KCNU1: variants seen among roughly 807,000 people sequenced by gnomAD.
KCNU1 encodes the protein potassium channel subfamily U member 1.
In KCNU1, 93 loss-of-function variants were observed where a neutral mutation model predicts 126.8. The observed-to-expected ratio is 0.73, with a 90% confidence interval of 0.62 to 0.87. The LOEUF (loss-of-function observed/expected upper bound fraction) is 0.87, where lower values mean the gene tolerates loss of function less well. KCNU1 is among the 40% of genes least tolerant of loss of function. The pLI, the probability that KCNU1 is intolerant of heterozygous loss-of-function variation, is 0.00. For synonymous variants in KCNU1, 523 were observed against 494.2 expected, an observed-to-expected ratio of 1.06 and a Z score of -0.77; for missense variants, 1,330 against 1,367.1, an observed-to-expected ratio of 0.97 and a Z score of 0.43.
At chr8:36,801,647 C>T (rs1449553180) in intron 2 of KCNU1, among the ~76,000 whole-genome samples, 4 of 151,752 alleles carry the variant, frequency 2.6e-5, no homozygotes, top group Non-Finnish European at 5.9e-5. Flanking sequence ...TAATAATTAT[C>T]AATATGCTGC....
At chr8:36,901,083 G>T (rs1340279761) in intron 19 of KCNU1, among the ~76,000 whole-genome samples, 1 of 151,936 alleles carries the variant, frequency 6.6e-6, no homozygotes, top group Non-Finnish European at 1.5e-5. Flanking sequence ...AAAAAAAAGG[G>T]AATTGTAGAG....
intron 5 of KCNU1, 63 bp from the exon 6 acceptor site, chr8:36,807,312 C>A (rs35671599): frequency 9.1e-7 from 1 of 1,101,624 alleles, no homozygotes; most frequent in Middle Eastern, 2.0e-4. Context: ...GCTGTTATAA[C>A]GTAGGCTCCC....
chr8:36,813,897 T>C (rs1803812623), intron 7 of KCNU1, among the ~76,000 whole-genome samples: 1 of 152,120 alleles, frequency 6.6e-6, no homozygotes, highest in African/African-American at 2.4e-5. Flanking sequence ...CAGGATGCAA[T>C]GCTTGTGCCC....
At chr8:36,831,260 T>G (rs1415053364) in intron 10 of KCNU1, among the ~76,000 whole-genome samples, 1 of 152,100 alleles carries the variant, frequency 6.6e-6, no homozygotes, top group African/African-American at 2.4e-5. Context: ...TTATAGTCCT[T>G]TGGGTATATA....
chr8:36,834,648 C>A (rs1391661529), intron 11 of KCNU1, 138 bp from the exon 12 acceptor site: 19 of 603,390 alleles, frequency 3.1e-5, no homozygotes, highest in Non-Finnish European at 4.2e-5. Flanking sequence ...AAGACATCCT[C>A]ATTACAACTT....
At chr8:36,830,755 T>G (rs111433025) in intron 10 of KCNU1, among the ~76,000 whole-genome samples, 30,542 of 151,416 alleles carry the variant, frequency 0.2, 3,378 homozygotes, top group Admixed American at 0.32. Flanking sequence ...TTCTTTTTTT[T>G]AATTTATTTA....
intron 3 of KCNU1, among the ~76,000 whole-genome samples, chr8:36,804,422 C>T (rs1448566363): frequency 2.0e-5 from 3 of 152,114 alleles, no homozygotes; most frequent in Non-Finnish European, 2.9e-5. Context: ...TTTTATATGT[C>T]TTTGGTTTCC....
intron 1 of KCNU1, among the ~76,000 whole-genome samples, chr8:36,785,343 TG>T (rs1001423177): frequency 8.5e-5 from 13 of 152,230 alleles, no homozygotes; most frequent in African/African-American, 3.1e-4. Context: ...CTGTGTAGTT[TG>T]TTTCCAATTT....
At chr8:36,871,085 A>G (rs1010355861) in intron 19 of KCNU1, among the ~76,000 whole-genome samples, 1 of 152,224 alleles carries the variant, frequency 6.6e-6, no homozygotes, top group African/African-American at 2.4e-5. Context: ...TCTCAATAGC[A>G]AGACCAAAGA....
chr8:36,935,973 T>G lies in KCNU1; in HGVS notation c.*53T>G, dbSNP rs1348553644. On this transcript the variant is annotated 3_prime_UTR_variant, in exon 27 of 27. Coordinates refer to ENST00000399881, the MANE Select transcript of KCNU1 (RefSeq NM_001031836.3). ...AACTTGCTGCTTACAAATCATCTCC[T>G]GAGATGCTAACTTTGAACAAAGAAA... 7.0e-7 allele frequency: 1 copy of G among 1,421,556 alleles called. No individual in the cohort carries two copies. Among genetic ancestry groups the G allele is most frequent in the Non-Finnish European group, 9.5e-7 (1 of 1,051,962 alleles). The allele number at this position is 1,421,556 out of a possible 1,614,324, so 88.1% of individuals were successfully genotyped here.
chr8:36,903,905 C>T (rs1335060075), intron 19 of KCNU1, among the ~76,000 whole-genome samples: 1 of 152,104 alleles, frequency 6.6e-6, no homozygotes, highest in Non-Finnish European at 1.5e-5. Flanking sequence ...CTCCTGAGAA[C>T]TCACTCACTA....
chr8:36,803,446 A>T (rs768551903), intron 2 of KCNU1, among the ~76,000 whole-genome samples: 1 of 152,082 alleles, frequency 6.6e-6, no homozygotes, highest in Non-Finnish European at 1.5e-5. Flanking sequence ...TTCCAATTGC[A>T]TTCCCCGAGA....
At chr8:36,908,044 G>A (rs1414645655) in intron 20 of KCNU1, among the ~76,000 whole-genome samples, 1 of 152,016 alleles carries the variant, frequency 6.6e-6, no homozygotes, top group African/African-American at 2.4e-5. Flanking sequence ...AATTTGCTCA[G>A]TCATATAGCT....
intron 10 of KCNU1, among the ~76,000 whole-genome samples, chr8:36,821,594 AT>A (rs1357001911): frequency 6.6e-6 from 1 of 152,162 alleles, no homozygotes. Flanking sequence ...ATGTGAGAGT[AT>A]TTTGTACAAG....
intron 19 of KCNU1, among the ~76,000 whole-genome samples, chr8:36,874,369 G>T (rs1449859151): frequency 6.6e-6 from 1 of 152,054 alleles, no homozygotes; most frequent in Non-Finnish European, 1.5e-5. Flanking sequence ...AGAATTCTGT[G>T]GGGGCAGTCC....
At chr8:36,884,875 TCTGG>T (rs1297718434) in intron 19 of KCNU1, among the ~76,000 whole-genome samples, 2 of 152,244 alleles carry the variant, frequency 1.3e-5, no homozygotes, top group African/African-American at 4.8e-5. Context: ...CAGTTTTAAC[TCTGG>T]CTTGTAAAGA....
intron 21 of KCNU1, among the ~76,000 whole-genome samples, chr8:36,909,888 G>A (rs1290029106): frequency 6.6e-6 from 1 of 152,164 alleles, no homozygotes; most frequent in African/African-American, 2.4e-5. Context: ...TTCTGAGTCA[G>A]ATTATAATTT....
In KCNU1 at chr8:36,924,655, G is replaced by T. The variant is rs75365099; in HGVS notation, c.2736+2026G>T. ...GTCAGGTTACTTTTCTGAGAAGGTGGCTCTGTCAGAGAAAGTGTTATATCA... is the reference window on the plus strand; with the variant it reads ...GTCAGGTTACTTTTCTGAGAAGGTGTCTCTGTCAGAGAAAGTGTTATATCA... On this transcript the variant is annotated intron_variant, in intron 24 of 26. Coordinates refer to ENST00000399881, the MANE Select transcript of KCNU1 (RefSeq NM_001031836.3). Among the ~76,000 whole-genome samples, 1,058 of 152,284 alleles carry T rather than the reference G, an allele frequency of 6.9e-3. 18 individuals are homozygous for T. Among genetic ancestry groups the T allele is most frequent in the African/African-American group, 0.024 (1,000 of 41,562 alleles).
chr8:36,804,183 T>C, intron 3 of KCNU1, 95 bp downstream of exon 3: 5 of 792,310 alleles, frequency 6.3e-6, no homozygotes, highest in Non-Finnish European at 8.5e-6. Context: ...TAATATACTT[T>C]CACACACACA....
Sources: allele counts gnomAD v4.1 joint callset (sites outside exome capture counted in the v4.1 genomes callset), GRCh38; gene constraint gnomAD v4.1.1; transcripts MANE v1.5; gene names NCBI Gene and HGNC (gene_info 2026-07-23, HGNC 2026-07-21).